BDKRB1: variants seen among roughly 807,000 people sequenced by gnomAD.
The protein encoded by BDKRB1 is B1 bradykinin receptor.
For missense variants in BDKRB1, 414 were observed against 441.4 expected, an observed-to-expected ratio of 0.94 and a Z score of 0.56; for synonymous variants, 192 against 189.1, an observed-to-expected ratio of 1.02 and a Z score of -0.13.
chr14:96,256,263 C>T lies in BDKRB1; in HGVS notation c.-167C>T, dbSNP rs1885613815. ...AAAAGCAGCTCTCACTATCAGAAAA[C>T]CCAACTACAGTTGTGAACGCCTTCA... is the stretch of plus-strand genomic sequence containing the variant. On this transcript the variant is annotated 5_prime_UTR_variant, in exon 1 of 3. Coordinates refer to ENST00000216629, the MANE Select transcript of BDKRB1 (RefSeq NM_000710.4). 6.6e-6 allele frequency: 1 copy of T among 152,210 alleles called. No homozygotes were observed. The highest frequency in any genetic ancestry group is 2.1e-4 in the South Asian group (1 of 4,820). 9.4% of individuals were successfully genotyped at this position (152,210 alleles called of 1,614,324 possible).
In BDKRB1 at chr14:96,264,297, G is replaced by A. The variant is rs768607326; in HGVS notation, c.615G>A (p.Glu205=). The change falls in exon 3 of 3, where the codon GAG becomes GAA. Residue 205 remains glutamate (E), a synonymous_variant. Coordinates refer to ENST00000216629, the MANE Select transcript of BDKRB1 (RefSeq NM_000710.4). The part of the protein sequence containing the change: ...HEAWHFARIV[E]LNILGFLLPL... ...CCTGGCACTTTGCAAGGATTGTGGA[G>A]TTAAATATTCTGGGTTTCCTCCTAC... The A allele has an allele frequency of 1.2e-5, 20 of 1,614,116 alleles. No homozygotes were observed. The East Asian group carries it at 4.0e-4, about 32-fold the overall frequency.
Position 96,264,658 on chromosome 14 carries a change from C to T in BDKRB1, c.976C>T (p.Leu326Phe). ...GCTCTTCAGGACCAAGGTCTGGGAA[C>T]TTTATAAACAATGCACCCCTAAAAG... is the stretch of plus-strand genomic sequence containing the variant. ...GRLFRTKVWE[L>F]YKQCTPKSLA... Residue 326 changes from leucine (L) to phenylalanine (F), a missense_variant, in exon 3 of 3, where the codon CTT becomes TTT. Physicochemically the swap from Leu to Phe is conservative, Grantham distance 22 (BLOSUM62 0). Coordinates refer to ENST00000216629, the MANE Select transcript of BDKRB1 (RefSeq NM_000710.4). 1 of 1,614,204 alleles carries T rather than the reference C, an allele frequency of 6.2e-7. No homozygotes were observed. The highest frequency in any genetic ancestry group is 8.5e-7 in the Non-Finnish European group (1 of 1,180,040).
rs939096187 is a variant in BDKRB1, at chr14:96,261,984, G to A, written c.-129-668G>A. ...AGACAGAGCTTTCTATCCCTCTCCC[G>A]GTGAAACTCAGCATGGGAGCATGGG... On this transcript the variant is annotated intron_variant, in intron 1 of 2. Coordinates refer to ENST00000216629, the MANE Select transcript of BDKRB1 (RefSeq NM_000710.4). 2.0e-5 allele frequency among the ~76,000 whole-genome samples: 3 copies of A among 152,224 alleles called. 1 individual carries two copies. The highest frequency in any genetic ancestry group is 4.4e-5 in the Non-Finnish European group (3 of 68,032).
chr14:96,263,635 G>T (rs1421150647), intron 2 of BDKRB1, 38 bp from the exon 3 acceptor site: 1 of 1,548,600 alleles, frequency 6.5e-7, no homozygotes, highest in South Asian at 1.3e-5. Flanking sequence ...GCTGTAGTCT[G>T]CCACTTCCTG....
chr14:96,257,922 AG>A (rs1158503414), intron 1 of BDKRB1, among the ~76,000 whole-genome samples: 1 of 140,738 alleles, frequency 7.1e-6, no homozygotes, highest in Admixed American at 7.0e-5. Context: ...GGAGGGAAGA[AG>A]GGAGGGAGGA....
Position 96,264,474 on chromosome 14 carries a change from C to G in BDKRB1, c.792C>G (p.Ala264=). Residue 264 remains alanine, a synonymous_variant, in exon 3 of 3, where the codon GCC becomes GCG. Coordinates refer to ENST00000216629, the MANE Select transcript of BDKRB1 (RefSeq NM_000710.4). ...TLVVAFLVCW[A]PYHFFAFLEF... ...TGGTTGCCTTCCTGGTCTGCTGGGC[C>G]CCTTACCACTTCTTTGCCTTCCTGG... 6.2e-7 allele frequency: 1 copy of G among 1,614,186 alleles called. No homozygotes were observed. Among genetic ancestry groups the G allele is most frequent in the Non-Finnish European group, 8.5e-7 (1 of 1,180,046 alleles).
At chr14:96,259,593 G>A (rs1566702408) in intron 1 of BDKRB1, 1 of 152,528 alleles carries the variant, frequency 6.6e-6, no homozygotes, top group African/African-American at 2.4e-5. Context: ...CACAATTTGT[G>A]TTTTATCCTC....
chr14:96,257,244 G>A (rs947000355), intron 1 of BDKRB1, among the ~76,000 whole-genome samples: 3 of 152,202 alleles, frequency 2.0e-5, no homozygotes, highest in South Asian at 2.1e-4. Context: ...AATCAGGTTC[G>A]AGCTAAAGTC....
chr14:96,262,282 A>T (rs1566702995), intron 1 of BDKRB1, among the ~76,000 whole-genome samples: 1 of 152,168 alleles, frequency 6.6e-6, no homozygotes, highest in Non-Finnish European at 1.5e-5. Flanking sequence ...AGCAGAAGAG[A>T]GCAGACAGAA....
rs1885809937 is a variant in BDKRB1 at position 96,263,691 on chromosome 14, A to C, written c.9A>C (p.Ser3=). The C allele has an allele frequency of 6.2e-7, 1 of 1,613,028 alleles. No homozygotes were observed. The highest frequency in any genetic ancestry group is 1.1e-5 in the South Asian group (1 of 90,896). ...ATTTCAGGTCACTGTGCATGGCATC[A>C]TCCTGGCCCCCTCTAGAGCTCCAAT... is the stretch of plus-strand genomic sequence containing the variant. MA[S]SWPPLELQSS... The change falls in exon 3 of 3, where the codon TCA becomes TCC. Residue 3 remains serine, a synonymous_variant. Transcript: ENST00000216629.
intron 2 of BDKRB1, 75 bp downstream of exon 2, chr14:96,262,845 C>T: frequency 2.8e-6 from 1 of 360,372 alleles, no homozygotes; most frequent in Non-Finnish European, 5.4e-6. Flanking sequence ...CCAGGCTGGT[C>T]TTGAACTCCT....
At chr14:96,257,829 A>G (rs1885651676) in intron 1 of BDKRB1, among the ~76,000 whole-genome samples, 1 of 151,660 alleles carries the variant, frequency 6.6e-6, no homozygotes, top group South Asian at 2.1e-4. Context: ...AAAAATTAGT[A>G]TTTACAGGTA....
chr14:96,260,221 A>T (rs1244549559), intron 1 of BDKRB1, among the ~76,000 whole-genome samples: 1 of 152,098 alleles, frequency 6.6e-6, no homozygotes, highest in East Asian at 1.9e-4. Flanking sequence ...ACAGGGTTTC[A>T]CCATCTTGGC....
At position 96,263,997 on chromosome 14, in the gene BDKRB1, C is replaced by T. The variant is rs370873606; in HGVS notation, c.315C>T (p.Phe105=). 19 of 1,614,104 alleles carry T rather than the reference C, an allele frequency of 1.2e-5. No individual in the cohort carries two copies. Among genetic ancestry groups the T allele is most frequent in the Middle Eastern group, 3.3e-4 (2 of 6,082 alleles). Residue 105 remains phenylalanine, a synonymous_variant, in exon 3 of 3, where the codon TTC becomes TTT. Transcript: ENST00000216629. ...ENIWNQFNWP[F]GALLCRVING... ...TCTGGAACCAGTTTAACTGGCCTTT[C>T]GGAGCCCTCCTCTGCCGTGTCATCA...
At chr14:96,256,793 A>G (rs1011146414) in intron 1 of BDKRB1, among the ~76,000 whole-genome samples, 9 of 152,366 alleles carry the variant, frequency 5.9e-5, no homozygotes, top group Non-Finnish European at 1.0e-4. Flanking sequence ...CTGAATTTCC[A>G]ATGCCTTTAA....
chr14:96,258,812 C>G (rs575050498), intron 1 of BDKRB1, among the ~76,000 whole-genome samples: 2 of 152,088 alleles, frequency 1.3e-5, no homozygotes, highest in African/African-American at 4.8e-5. Context: ...TGAGCCACAC[C>G]GTGCCCAGCC....
chr14:96,259,012 C>T (rs757162566), intron 1 of BDKRB1, among the ~76,000 whole-genome samples: 4 of 151,822 alleles, frequency 2.6e-5, no homozygotes, highest in Admixed American at 6.6e-5. Flanking sequence ...CTGAAATGTT[C>T]CAGAGCTCAT....
At position 96,263,925 on chromosome 14, in the gene BDKRB1, C is replaced by T. The variant is rs140482892; in HGVS notation, c.243C>T (p.Ala81=). The T allele has an allele frequency of 6.2e-7, 1 of 1,614,252 alleles. No homozygotes were observed. Among genetic ancestry groups the T allele is most frequent in the East Asian group, 2.2e-5 (1 of 44,884 alleles). Reference sequence around the variant, plus strand: ...AAATCTACCTGGCCAACCTGGCAGCCTCTGATCTGGTGTTTGTCTTGGGCT... The same window carrying T: ...AAATCTACCTGGCCAACCTGGCAGCTTCTGATCTGGTGTTTGTCTTGGGCT... ...VAEIYLANLA[A]SDLVFVLGLP... is the part of the protein sequence containing the mutation. The change falls in exon 3 of 3, where the codon GCC becomes GCT. Residue 81 remains alanine, a synonymous_variant. Transcript: ENST00000216629.
chr14:96,256,293 CT>C lies in BDKRB1; in HGVS notation c.-136del, dbSNP rs1885614860. The C allele has an allele frequency of 6.6e-6, 1 of 152,124 alleles. No homozygotes were observed. The highest frequency in any genetic ancestry group is 2.4e-5 in the African/African-American group (1 of 41,396). 9.4% of individuals were successfully genotyped at this position (152,124 alleles called of 1,614,324 possible). On this transcript the variant is annotated 5_prime_UTR_variant, in exon 1 of 3. Coordinates refer to ENST00000216629, the MANE Select transcript of BDKRB1 (RefSeq NM_000710.4). ...CTACAGTTGTGAACGCCTTCATTTTCTGCCTGAGTAAGTAAATGACCACCTT... is the reference window on the plus strand; with the variant it reads ...CTACAGTTGTGAACGCCTTCATTTTCGCCTGAGTAAGTAAATGACCACCTT...
Sources: gnomAD v4.1 joint callset for allele counts (sites outside exome capture counted in the v4.1 genomes callset) on GRCh38, gnomAD v4.1.1 for gene constraint, MANE v1.5 for transcripts, NCBI Gene and HGNC (gene_info 2026-07-23, HGNC 2026-07-21) for gene names.